FZD8: variants seen among roughly 807,000 people sequenced by gnomAD.
FZD8 encodes frizzled-8.
A neutral mutation model predicts 46.0 loss-of-function variants in FZD8; 18 were observed. The ratio of observed to expected loss-of-function variants is 0.39; its 90% CI spans 0.27 to 0.58. FZD8 has a LOEUF of 0.58. FZD8 is among the 20% of genes least tolerant of loss of function. The pLI, the probability that FZD8 is intolerant of heterozygous loss-of-function variation, is 0.55. For missense variants in FZD8, 785 were observed against 983.4 expected (o/e 0.80, Z 2.70); for synonymous variants, 586 against 467.9 (o/e 1.25, Z -3.26).
rs992599806 is a variant in FZD8, at chr10:35,640,856, G to A, written c.574C>T (p.His192Tyr). The A allele has an allele frequency of 1.9e-4, 185 of 978,746 alleles. 1 individual carries two copies. Among genetic ancestry groups the A allele is most frequent in the Middle Eastern group, 1.0e-3 (2 of 1,928 alleles). The allele number at this position is 978,746 out of a possible 1,614,324, so 60.6% of individuals were successfully genotyped here. A position where few individuals can be genotyped will look rare whatever the true frequency, so the allele number is the denominator to read the frequency against. The part of the protein sequence containing the change: ...HGRPPGARPP[H>Y]RGGGRGGGGG... ...CCACCGCCCCTGCCGCCGCCGCGGT[G>A]CGGGGGCCTGGCCCCCGGCGGGCGG... is the stretch of plus-strand genomic sequence containing the variant. The change falls in exon 1 of 1, where the codon CAC becomes TAC. Residue 192 changes from histidine (H) to tyrosine (Y), a missense_variant. His to Tyr is a moderately conservative substitution (Grantham distance 83, BLOSUM62 2). Coordinates refer to ENST00000374694, the MANE Select transcript of FZD8 (RefSeq NM_031866.3).
Position 35,640,163 on chromosome 10 carries a change from G to A in FZD8, c.1267C>T (p.Leu423=), listed in dbSNP as rs145782862. 3.0e-4 allele frequency: 489 copies of A among 1,613,260 alleles called. No individual in the cohort carries two copies. Among genetic ancestry groups the A allele is most frequent in the Non-Finnish European group, 3.7e-4 (441 of 1,179,912 alleles). Residue 423 remains leucine (L), a synonymous_variant, in exon 1 of 1, where the codon CTG becomes TTG. Transcript: ENST00000374694. ...WWVILSLTWF[L]AAGMKWGNEA... is the part of the protein sequence containing the mutation. ...TTGCCCCACTTCATACCGGCCGCCA[G>A]GAACCATGTGAGCGACAAGATCACC...
rs1450671031 is a variant in FZD8 at position 35,640,424 on chromosome 10, C to G, written c.1006G>C (p.Glu336Gln). The G allele has an allele frequency of 7.0e-7, 1 of 1,438,670 alleles. No individual in the cohort carries two copies. Among genetic ancestry groups the G allele is most frequent in the Non-Finnish European group, 9.2e-7 (1 of 1,081,768 alleles). The allele number at this position is 1,438,670 out of a possible 1,614,324, so 89.1% of individuals were successfully genotyped here. Residue 336 changes from glutamate to glutamine, a missense_variant, in exon 1 of 1, where the codon GAG becomes CAG. This residue lies in a region of FZD8 where 88 missense variants were observed against 83.6 expected (regional missense o/e 1.05). Transcript: ENST00000374694. ...GYLVRLVAGH[E>Q]KVACSGGAPG... ...GCGCCACCGCTGCACGCCACCTTCT[C>G]GTGGCCCGCCACCAGGCGCACTAGG...
rs937491640 is a variant in FZD8, at chr10:35,639,330, C to T, written c.*15G>A. The stretch of plus-strand genomic sequence containing the variant: ...CCCCCCTCCCCACCCCTCCTGGGCG[C>T]CCCCTCCCCTCCGCTCAGACCTGGG... On this transcript the variant is annotated 3_prime_UTR_variant, in exon 1 of 1. Transcript: ENST00000374694. The T allele has an allele frequency of 1.1e-5, 9 of 841,124 alleles. No homozygotes were observed. The highest frequency in any genetic ancestry group is 6.5e-5 in the Admixed American group (2 of 30,984). The allele number at this position is 841,124 out of a possible 1,614,324, so 52.1% of individuals were successfully genotyped here.
chr10:35,641,196 G>C lies in FZD8; in HGVS notation c.234C>G (p.Ile78Met). ...AGAACTTGAGATCGGGCGAGCACTG[G>C]ATCTCCACCAGCGGCCAGAACTGGT... ...EVHQFWPLVEIQCSPDLKFFL... is the reference protein window; with the variant it reads ...EVHQFWPLVEMQCSPDLKFFL... The change falls in exon 1 of 1, where the codon ATC becomes ATG. Residue 78 changes from isoleucine to methionine, a missense_variant. By Grantham distance (10) the Ile-to-Met change is conservative. Coordinates refer to ENST00000374694, the MANE Select transcript of FZD8 (RefSeq NM_031866.3). The surrounding 1 kb of genome is among the most constrained non-coding windows in gnomAD (Gnocchi z 6.3). 6.2e-7 allele frequency: 1 copy of C among 1,614,010 alleles called. No individual in the cohort carries two copies. Among genetic ancestry groups the C allele is most frequent in the South Asian group, 1.1e-5 (1 of 91,076 alleles).
chr10:35,639,609 G>T lies in FZD8; in HGVS notation c.1821C>A (p.Gly607=). The part of the protein sequence containing the change: ...GITSGVWVWS[G]KTLESWRSLC... ...GGGAGCGCCAGGACTCCAGCGTCTTGCCGGACCAGACCCACACGCCCGAGG... is the reference window on the plus strand; with the variant it reads ...GGGAGCGCCAGGACTCCAGCGTCTTTCCGGACCAGACCCACACGCCCGAGG... The change falls in exon 1 of 1, where the codon GGC becomes GGA. Residue 607 remains glycine (G), a synonymous_variant. Transcript: ENST00000374694. 6.3e-7 allele frequency: 1 copy of T among 1,597,816 alleles called. No homozygotes were observed. The highest frequency in any genetic ancestry group is 8.5e-7 in the Non-Finnish European group (1 of 1,179,536).
Position 35,641,786 on chromosome 10 carries a change from T to G in FZD8, c.-357A>C. On this transcript the variant is annotated 5_prime_UTR_variant, in exon 1 of 1. Coordinates refer to ENST00000374694, the MANE Select transcript of FZD8 (RefSeq NM_031866.3). The surrounding 1 kb of genome is among the most constrained non-coding windows in gnomAD (Gnocchi z 6.3). ...GCTCATCGTCCCGCGCTCGCTCGCC[T>G]CCTCTCCGCGCGCCCGACCACTTCT... is the stretch of plus-strand genomic sequence containing the variant. 5.6e-6 allele frequency: 1 copy of G among 178,636 alleles called. No homozygotes were observed. The allele number at this position is 178,636 out of a possible 1,614,324, so 11.1% of individuals were successfully genotyped here.
chr10:35,640,944 G>C lies in FZD8; in HGVS notation c.486C>G (p.Ser162Arg), dbSNP rs1368119668. 7.4e-7 allele frequency: 1 copy of C among 1,345,824 alleles called. No homozygotes were observed. The highest frequency in any genetic ancestry group is 3.0e-5 in the East Asian group (1 of 33,076). 83.4% of individuals were successfully genotyped at this position (1,345,824 alleles called of 1,614,324 possible). The change falls in exon 1 of 1, where the codon AGC becomes AGG. Residue 162 changes from serine (S) to arginine (R), a missense_variant. This residue lies in a region of FZD8 where 354 missense variants were observed against 433.2 expected (regional missense o/e 0.82). Coordinates refer to ENST00000374694, the MANE Select transcript of FZD8 (RefSeq NM_031866.3). Reference sequence around the variant, plus strand: ...GCGGCGGCGGCAGGCGGCGCGGCGGGCTGGGCGCGGCGGTGGTTAGGTCGG... The same window carrying C: ...GCGGCGGCGGCAGGCGGCGCGGCGGCCTGGGCGCGGCGGTGGTTAGGTCGG... ...NRTDLTTAAP[S>R]PPRRLPPPPP...
chr10:35,639,440 AGCCCCCGCCGCCGCCCG>A lies in FZD8; in HGVS notation c.1973_1989del (p.Pro658LeufsTer57). 1 of 1,199,838 alleles carries A rather than the reference AGCCCCCGCCGCCGCCCG, an allele frequency of 8.3e-7. No homozygotes were observed. The highest frequency in any genetic ancestry group is 1.1e-6 in the Non-Finnish European group (1 of 948,596). 74.3% of individuals were successfully genotyped at this position (1,199,838 alleles called of 1,614,324 possible). On this transcript the variant is annotated frameshift_variant, in exon 1 of 1. Coordinates refer to ENST00000374694, the MANE Select transcript of FZD8 (RefSeq NM_031866.3). LOFTEE classifies it high-confidence loss of function. ...CCAGTGCTGACGTCGCTGTAGAGGG[AGCCCCCGCCGCCGCCCG>A]GCCCCCCGCCGCCGCCGGGTCCCCC... is the stretch of plus-strand genomic sequence containing the variant.
chr10:35,639,981 G>T lies in FZD8; in HGVS notation c.1449C>A (p.Gly483=). The T allele has an allele frequency of 6.2e-7, 1 of 1,612,856 alleles. No homozygotes were observed. ...AGATGACCAGCGGCGCCAGCACGAA[G>T]CCGCGCAGGTTGTCCAGGCTCTGGT... ...VGNQSLDNLR[G]FVLAPLVIYL... The change falls in exon 1 of 1, where the codon GGC becomes GGA. Residue 483 remains glycine, a synonymous_variant. Coordinates refer to ENST00000374694, the MANE Select transcript of FZD8 (RefSeq NM_031866.3).
Position 35,640,252 on chromosome 10 carries a change from G to T in FZD8, c.1178C>A (p.Pro393His). The change falls in exon 1 of 1, where the codon CCC (proline) becomes CAC (histidine). Residue 393 changes from proline (P) to histidine (H), a missense_variant. By Grantham distance (77) the Pro-to-His change is moderately conservative. This residue lies in a region of FZD8 where 147 missense variants were observed against 242.5 expected (regional missense o/e 0.61). Transcript: ENST00000374694. ...CAAGAAGACCACGGTGCACAGCGCG[G>T]GGCCGGTGGTCTCGTAGCGCACGTG... The part of the protein sequence containing the change: ...EQHVRYETTG[P>H]ALCTVVFLLV... The T allele has an allele frequency of 6.2e-7, 1 of 1,608,220 alleles. No individual in the cohort carries two copies. Among genetic ancestry groups the T allele is most frequent in the Non-Finnish European group, 8.5e-7 (1 of 1,179,564 alleles).
Position 35,640,380 on chromosome 10 carries a change from A to AGCGCCCCCC in FZD8, c.1041_1049dup (p.Gly354_Ala356dup), listed in dbSNP as rs765701909. ...CCGCCGCCGCGCCGCCCGCGCCCCC[A>AGCGCCCCCC]GCGCCCCCCGCGCCCGGCGCGCCAC... On this transcript the variant is annotated inframe_insertion, in exon 1 of 1. Transcript: ENST00000374694. 1.1e-5 allele frequency: 12 copies of AGCGCCCCCC among 1,051,624 alleles called. No individual in the cohort carries two copies. Among genetic ancestry groups the AGCGCCCCCC allele is most frequent in the Non-Finnish European group, 1.4e-5 (12 of 861,076 alleles). 65.1% of individuals were successfully genotyped at this position (1,051,624 alleles called of 1,614,324 possible).
Position 35,640,637 on chromosome 10 carries a change from G to A in FZD8, c.793C>T (p.His265Tyr), listed in dbSNP as rs1402951086. 2 of 1,582,852 alleles carry A rather than the reference G, an allele frequency of 1.3e-6. No homozygotes were observed. The highest frequency in any genetic ancestry group is 1.7e-6 in the Non-Finnish European group (2 of 1,162,758). ...GQIANCALPC[H>Y]NPFFSQDERA... is the part of the protein sequence containing the mutation. ...TCGTCCTGGCTGAAAAAGGGGTTGT[G>A]GCAGGGCAGCGCGCAGTTAGCGATC... Residue 265 changes from histidine (H) to tyrosine (Y), a missense_variant, in exon 1 of 1, where the codon CAC (histidine) becomes TAC (tyrosine). By Grantham distance (83) the His-to-Tyr change is moderately conservative. This residue lies in a region of FZD8 where 354 missense variants were observed against 433.2 expected (regional missense o/e 0.82). Transcript: ENST00000374694.
At position 35,639,912 on chromosome 10, in the gene FZD8, G is replaced by A; in HGVS notation, c.1518C>T (p.Ser506=). Reference sequence around the variant, plus strand: ...TGATGACCGAGCGGATGCGGAAGAGGGACACGAAGCCGGCCAGCAGGAACA... The same window carrying A: ...TGATGACCGAGCGGATGCGGAAGAGAGACACGAAGCCGGCCAGCAGGAACA... ...GTMFLLAGFV[S]LFRIRSVIKQ... Residue 506 remains serine, a synonymous_variant, in exon 1 of 1, where the codon TCC becomes TCT. Transcript: ENST00000374694. 4.3e-6 allele frequency: 7 copies of A among 1,612,908 alleles called. No individual in the cohort carries two copies. Among genetic ancestry groups the A allele is most frequent in the East Asian group, 2.2e-5 (1 of 44,822 alleles).
rs1318575442 is a variant in FZD8 at position 35,639,643 on chromosome 10, A to T, written c.1787T>A (p.Val596Glu). Residue 596 changes from valine (V) to glutamate (E), a missense_variant, in exon 1 of 1, where the codon GTG (valine) becomes GAG (glutamate). Val to Glu is a moderately radical substitution (Grantham distance 121, BLOSUM62 -2). This residue lies in a region of FZD8 where 185 missense variants were observed against 180.8 expected (regional missense o/e 1.02). Transcript: ENST00000374694. ...GACCCACACGCCCGAGGTGATGCCCACCACTAGGCACATGAAGTACTTGAG... is the reference window on the plus strand; with the variant it reads ...GACCCACACGCCCGAGGTGATGCCCTCCACTAGGCACATGAAGTACTTGAG... Reference protein sequence around the residue: ...FMLKYFMCLVVGITSGVWVWS... With the variant: ...FMLKYFMCLVEGITSGVWVWS... The T allele has an allele frequency of 6.3e-7, 1 of 1,598,418 alleles. No homozygotes were observed. Among genetic ancestry groups the T allele is most frequent in the Non-Finnish European group, 8.5e-7 (1 of 1,179,722 alleles).
At position 35,640,055 on chromosome 10, in the gene FZD8, G is replaced by T; in HGVS notation, c.1375C>A (p.Leu459Ile). 1 of 1,610,218 alleles carries T rather than the reference G, an allele frequency of 6.2e-7. No homozygotes were observed. Residue 459 changes from leucine (L) to isoleucine (I), a missense_variant, in exon 1 of 1, where the codon CTC becomes ATC. By Grantham distance (5) the Leu-to-Ile change is conservative. Transcript: ENST00000374694. ...ACCGGGTCGCCGTCCACCGAGCTGA[G>T]CGCCAGCACCGCGATGGACTTGACG... ...PSVKSIAVLALSSVDGDPVAG... is the reference protein window; with the variant it reads ...PSVKSIAVLAISSVDGDPVAG...
chr10:35,641,620 G>C lies in FZD8; in HGVS notation c.-191C>G. 1.4e-6 allele frequency: 1 copy of C among 715,492 alleles called. No homozygotes were observed. The highest frequency in any genetic ancestry group is 2.2e-6 in the Non-Finnish European group (1 of 447,674). The allele number at this position is 715,492 out of a possible 1,614,324, so 44.3% of individuals were successfully genotyped here. ...CGCGTCCGCAGCGGCGCGGCCCGCAGCCTGGGCAGGGCCCTTCCGCACTCC... is the reference window on the plus strand; with the variant it reads ...CGCGTCCGCAGCGGCGCGGCCCGCACCCTGGGCAGGGCCCTTCCGCACTCC... On this transcript the variant is annotated 5_prime_UTR_variant, in exon 1 of 1. Transcript: ENST00000374694. The surrounding 1 kb of genome is among the most constrained non-coding windows in gnomAD (Gnocchi z 6.3).
Position 35,639,080 on chromosome 10 carries a change from A to G in FZD8, c.*265T>C, listed in dbSNP as rs185790987. On this transcript the variant is annotated 3_prime_UTR_variant, in exon 1 of 1. Transcript: ENST00000374694. The stretch of plus-strand genomic sequence containing the variant: ...CCGCAGAGTCCACCCTCCTCAGCCA[A>G]CAGAAATTAACGCGTGGCGGGAGGA... The G allele has an allele frequency of 2.2e-4, 36 of 162,206 alleles. No individual in the cohort carries two copies. The highest frequency in any genetic ancestry group is 3.9e-4 in the Non-Finnish European group (29 of 74,154). The allele number at this position is 162,206 out of a possible 1,614,324, so 10.0% of individuals were successfully genotyped here.
rs1835855280 is a variant in FZD8 at position 35,641,248 on chromosome 10, G to C, written c.182C>G (p.Thr61Arg). 3 of 1,614,102 alleles carry C rather than the reference G, an allele frequency of 1.9e-6. No homozygotes were observed. Among genetic ancestry groups the C allele is most frequent in the Non-Finnish European group, 8.5e-7 (1 of 1,179,968 alleles). ...TYMPNQFNHD[T>R]QDEAGLEVHQ... is the part of the protein sequence containing the mutation. ...CACCTCCAGGCCCGCCTCGTCTTGC[G>C]TGTCGTGGTTGAACTGATTGGGCAT... Residue 61 changes from threonine to arginine, a missense_variant, in exon 1 of 1, where the codon ACG becomes AGG. Physicochemically the swap from Thr to Arg is moderately conservative, Grantham distance 71 (BLOSUM62 -1). Transcript: ENST00000374694. This position sits in a 1 kb window ranked among gnomAD's most constrained non-coding sequence, Gnocchi z 6.3.
Position 35,640,327 on chromosome 10 carries a change from C to CGCCCG in FZD8, c.1102_1103insCGGGC (p.Gly368AlafsTer50). ...GTACTCGCCGCGCCCGCCCGGGCCG[C>CGCCCG]CCGCGCCCGCGCCCGCCGCGCCCGC... is the stretch of plus-strand genomic sequence containing the variant. On this transcript the variant is annotated frameshift_variant, in exon 1 of 1. Transcript: ENST00000374694. LOFTEE classifies it high-confidence loss of function. 9.7e-7 allele frequency: 1 copy of CGCCCG among 1,026,322 alleles called. No homozygotes were observed. The highest frequency in any genetic ancestry group is 1.2e-6 in the Non-Finnish European group (1 of 853,452). The allele number at this position is 1,026,322 out of a possible 1,614,324, so 63.6% of individuals were successfully genotyped here.
Sources: allele counts gnomAD v4.1 joint callset, GRCh38; gene constraint gnomAD v4.1.1; regional missense constraint gnomAD v4.1.1; non-coding constraint Gnocchi (gnomAD v3.1); transcripts MANE v1.5; gene names NCBI Gene and HGNC (gene_info 2026-07-23, HGNC 2026-07-21).